CCDC85C: variants seen among roughly 807,000 people sequenced by gnomAD.
CCDC85C encodes coiled-coil domain containing 85C.
In CCDC85C, 18 loss-of-function variants were observed where a neutral mutation model predicts 38.3. The observed-to-expected ratio is 0.47, with a 90% CI of 0.33 to 0.70. The LOEUF is 0.70. Among genes scored for constraint, CCDC85C ranks in the 30% least tolerant of loss-of-function variants. The probability of loss-of-function intolerance (pLI) is 0.03; values close to 1 mark genes in which losing one functional copy is unlikely to be tolerated. For synonymous variants in CCDC85C, 264 were observed against 293.8 expected, an observed-to-expected ratio of 0.90 and a Z score of 1.04; for missense variants, 566 against 621.2, an observed-to-expected ratio of 0.91 and a Z score of 0.94.
chr14:99,599,833 C>T (rs2055181002), intron 1 of CCDC85C, among the ~76,000 whole-genome samples: 2 of 152,188 alleles, frequency 1.3e-5, no homozygotes, highest in Admixed American at 1.3e-4. Flanking sequence ...CATGATGGTG[C>T]CATTGCACTC....
intron 1 of CCDC85C, among the ~76,000 whole-genome samples, chr14:99,594,347 G>C (rs939488761): frequency 1.3e-5 from 2 of 152,216 alleles, no homozygotes; most frequent in Non-Finnish European, 2.9e-5. Context: ...CAATCAGATA[G>C]GGGAGGCAGG....
chr14:99,553,695 G>C lies in CCDC85C; in HGVS notation c.794-17607C>G, dbSNP rs2400686. On this transcript the variant is annotated intron_variant, in intron 1 of 5. Transcript: ENST00000380243. ...TGAACACGTGGCATCCCTCAGCCTCGGCAGCGCCTCTGTAAAGGTAGGCTG... is the reference window on the plus strand; with the variant it reads ...TGAACACGTGGCATCCCTCAGCCTCCGCAGCGCCTCTGTAAAGGTAGGCTG... Among the ~76,000 whole-genome samples the C allele has an allele frequency of 2.0e-5, 3 of 151,992 alleles. 1 individual carries two copies. The South Asian group carries it at 6.2e-4, about 32-fold the overall frequency.
At chr14:99,589,492 T>G (rs2055063078) in intron 1 of CCDC85C, among the ~76,000 whole-genome samples, 1 of 152,322 alleles carries the variant, frequency 6.6e-6, no homozygotes, top group African/African-American at 2.4e-5. Context: ...TTTTATTTTT[T>G]AAAGGCTTCA....
At position 99,558,895 on chromosome 14, in the gene CCDC85C, G is replaced by A. The variant is rs552102622; in HGVS notation, c.794-22807C>T. 1.3e-5 allele frequency among the ~76,000 whole-genome samples: 2 copies of A among 152,262 alleles called. No homozygotes were observed. The highest frequency in any genetic ancestry group is 6.5e-5 in the Admixed American group (1 of 15,298). On this transcript the variant is annotated intron_variant, in intron 1 of 5. Coordinates refer to ENST00000380243, the MANE Select transcript of CCDC85C (RefSeq NM_001144995.2). This position sits in a 1 kb window ranked among gnomAD's most constrained non-coding sequence, Gnocchi z 4.2. Reference sequence around the variant, plus strand: ...AGGGAGGTGACCGGATCATCCGGGTGGTTTCTGATGGTTTAGTGCCACCCC... The same window carrying A: ...AGGGAGGTGACCGGATCATCCGGGTAGTTTCTGATGGTTTAGTGCCACCCC...
At chr14:99,534,807 G>A in intron 2 of CCDC85C, 2 of 683,836 alleles carry the variant, frequency 2.9e-6, no homozygotes. Flanking sequence ...CACGGCCTGT[G>A]GCCAAAGCCC....
intron 2 of CCDC85C, chr14:99,534,949 AG>A (rs1897565073): frequency 3.6e-6 from 2 of 552,016 alleles, no homozygotes; most frequent in Non-Finnish European, 3.3e-6. Context: ...AGTTCACAAG[AG>A]GCCAAATGAG....
chr14:99,579,935 C>CT (rs397820379), intron 1 of CCDC85C: 13 of 307,208 alleles, frequency 4.2e-5, no homozygotes, highest in African/African-American at 1.5e-4. Context: ...CTGGCTCAGT[C>CT]CAAGACTTTG....
chr14:99,603,028 C>T lies in CCDC85C; in HGVS notation c.793+139G>A. The stretch of plus-strand genomic sequence containing the variant: ...TTGGGTGAGTGCGGGATCCCCTGGC[C>T]CAGGATCCATGACAGCTGGAGGAGT... On this transcript the variant is annotated intron_variant, in intron 1 of 5. Transcript: ENST00000380243. The surrounding 1 kb of genome is among the most constrained non-coding windows in gnomAD (Gnocchi z 7.5). The T allele has an allele frequency of 2.6e-6, 3 of 1,138,438 alleles. No homozygotes were observed. The highest frequency in any genetic ancestry group is 3.3e-6 in the Non-Finnish European group (3 of 899,236). The allele number at this position is 1,138,438 out of a possible 1,614,324, so 70.5% of individuals were successfully genotyped here.
chr14:99,551,136 C>T (rs1897898578), intron 1 of CCDC85C, among the ~76,000 whole-genome samples: 1 of 152,234 alleles, frequency 6.6e-6, no homozygotes, highest in Non-Finnish European at 1.5e-5. Flanking sequence ...CAAACCAATG[C>T]TAATTCCATA....
At chr14:99,567,292 A>G (rs9671899) in intron 1 of CCDC85C, among the ~76,000 whole-genome samples, 87,909 of 152,056 alleles carry the variant, frequency 0.58, 26,075 homozygotes, top group African/African-American at 0.72. Context: ...GCCGCACAGA[A>G]CAGACCCACA....
intron 1 of CCDC85C, among the ~76,000 whole-genome samples, chr14:99,562,372 C>T (rs1898133932): frequency 6.6e-6 from 1 of 152,194 alleles, no homozygotes; most frequent in Non-Finnish European, 1.5e-5. Context: ...AACCAAGTGC[C>T]ACAGAGCCAC....
intron 1 of CCDC85C, among the ~76,000 whole-genome samples, chr14:99,547,930 C>A (rs1897837636): frequency 1.3e-5 from 2 of 151,826 alleles, no homozygotes. Context: ...ATATAGCATA[C>A]TTTTAGTTTG....
At position 99,510,598 on chromosome 14, in the gene CCDC85C, C is replaced by A; in HGVS notation, c.*4648G>T. 1.4e-6 allele frequency: 1 copy of A among 726,578 alleles called. No homozygotes were observed. The highest frequency in any genetic ancestry group is 2.1e-6 in the Non-Finnish European group (1 of 484,090). The allele number at this position is 726,578 out of a possible 1,614,324, so 45.0% of individuals were successfully genotyped here. A position where few individuals can be genotyped will look rare whatever the true frequency, so the allele number is the denominator to read the frequency against. On this transcript the variant is annotated 3_prime_UTR_variant, in exon 6 of 6. Transcript: ENST00000380243. ...ACCTACAACCCCAACTTCCCACCCC[C>A]ACCCCCACGCCTCCCGCCTACCCAC...
intron 1 of CCDC85C, among the ~76,000 whole-genome samples, chr14:99,578,998 C>A (rs1157605042): frequency 6.6e-6 from 1 of 152,196 alleles, no homozygotes; most frequent in Non-Finnish European, 1.5e-5. Context: ...ACCAACACTT[C>A]GGGCTGAGAA....
rs1897197779 is a variant in CCDC85C at position 99,514,989 on chromosome 14, G to A, written c.*257C>T. The A allele has an allele frequency of 5.1e-6, 2 of 389,756 alleles. No homozygotes were observed. Among genetic ancestry groups the A allele is most frequent in the African/African-American group, 2.0e-5 (1 of 49,290 alleles). The allele number at this position is 389,756 out of a possible 1,614,324, so 24.1% of individuals were successfully genotyped here. On this transcript the variant is annotated 3_prime_UTR_variant, in exon 6 of 6. Transcript: ENST00000380243. ...GCCCAGGGCCCAGAGGGGGAATGAG[G>A]CGTCCGGGCCGCTCTGCTGCAGGAA...
chr14:99,515,499 T>C (rs1897208249), intron 5 of CCDC85C, among the ~76,000 whole-genome samples, 164 bp from the exon 6 acceptor site: 2 of 152,170 alleles, frequency 1.3e-5, no homozygotes, highest in Non-Finnish European at 2.9e-5. Context: ...ACACCAGGTC[T>C]TTGCATGCCG....
chr14:99,589,261 C>T (rs947022527), intron 1 of CCDC85C, among the ~76,000 whole-genome samples: 10 of 152,252 alleles, frequency 6.6e-5, no homozygotes, highest in Admixed American at 2.6e-4. Context: ...CACACAGCCA[C>T]GGCCCAGATC....
At position 99,548,083 on chromosome 14, in the gene CCDC85C, C is replaced by T. The variant is rs1201769225; in HGVS notation, c.794-11995G>A. On this transcript the variant is annotated intron_variant, in intron 1 of 5. Coordinates refer to ENST00000380243, the MANE Select transcript of CCDC85C (RefSeq NM_001144995.2). The surrounding 1 kb of genome is among the most constrained non-coding windows in gnomAD (Gnocchi z 4.9). ...CCATGAAGGGAACGACCGTGAAACC[C>T]GACTATATGAGGATTACGAACGCTG... Among the ~76,000 whole-genome samples, 1 of 152,090 alleles carries T rather than the reference C, an allele frequency of 6.6e-6. No individual in the cohort carries two copies.
chr14:99,555,408 C>G (rs11850672), intron 1 of CCDC85C, among the ~76,000 whole-genome samples: 21 of 152,178 alleles, frequency 1.4e-4, no homozygotes, highest in Non-Finnish European at 2.8e-4. Flanking sequence ...GGTGACAACA[C>G]GTGCCCTGGC....
Sources: gnomAD v4.1 joint callset for allele counts (sites outside exome capture counted in the v4.1 genomes callset) on GRCh38, gnomAD v4.1.1 for gene constraint, Gnocchi (gnomAD v3.1) non-coding constraint, MANE v1.5 for transcripts, NCBI Gene and HGNC (gene_info 2026-07-23, HGNC 2026-07-21) for gene names.